Variants in ANKRD13C observed in about 807,000 individuals in gnomAD.
ANKRD13C encodes ankyrin repeat domain 13C, also known as ankyrin repeat domain-containing protein 13C.
In ANKRD13C, 16 loss-of-function variants were observed where a neutral mutation model predicts 65.5. That is an observed-to-expected ratio of 0.24 (90% confidence interval 0.17 to 0.37). ANKRD13C has a LOEUF of 0.37. Ranked by LOEUF, ANKRD13C falls within the 10% of genes least tolerant of loss-of-function variation. The probability of loss-of-function intolerance (pLI) is 1.00; values close to 1 mark genes in which losing one functional copy is unlikely to be tolerated. For missense variants in ANKRD13C, 503 were observed against 655.9 expected (o/e 0.77, Z 2.55); for synonymous variants, 235 against 238.7 (o/e 0.98, Z 0.14).
chr1:70,330,392 T>C (rs1009420402), intron 2 of ANKRD13C, among the ~76,000 whole-genome samples: 9 of 151,752 alleles, frequency 5.9e-5, no homozygotes, highest in Admixed American at 5.9e-4. Context: ...ACCCTGTCTC[T>C]ACTAAAAATA....
intron 2 of ANKRD13C, among the ~76,000 whole-genome samples, chr1:70,334,047 G>A (rs1030171976): frequency 1.2e-4 from 19 of 152,300 alleles, no homozygotes; most frequent in African/African-American, 4.1e-4. Context: ...ATTAAGGTCA[G>A]GCACAGTGAC....
At chr1:70,299,361 T>C (rs1680226632) in intron 7 of ANKRD13C, among the ~76,000 whole-genome samples, 1 of 152,182 alleles carries the variant, frequency 6.6e-6, no homozygotes, top group Non-Finnish European at 1.5e-5. Flanking sequence ...TTTCACTCTT[T>C]AGGTAATGGG....
At chr1:70,322,000 A>C (rs1332676438) in intron 3 of ANKRD13C, among the ~76,000 whole-genome samples, 1 of 152,214 alleles carries the variant, frequency 6.6e-6, no homozygotes, top group Non-Finnish European at 1.5e-5. Context: ...AACTTAAATC[A>C]CAGTGCTTAA....
At chr1:70,272,753 C>T (rs1572026617) in intron 11 of ANKRD13C, among the ~76,000 whole-genome samples, 1 of 151,836 alleles carries the variant, frequency 6.6e-6, no homozygotes, top group East Asian at 1.9e-4. Flanking sequence ...CTTTAAGAGG[C>T]CCAGGTGGAC....
At chr1:70,327,976 A>T (rs1395174538) in intron 2 of ANKRD13C, among the ~76,000 whole-genome samples, 1 of 152,146 alleles carries the variant, frequency 6.6e-6, no homozygotes, top group Non-Finnish European at 1.5e-5. Context: ...GAGGCAGGAG[A>T]GCTGCTTGAA....
intron 2 of ANKRD13C, among the ~76,000 whole-genome samples, chr1:70,328,290 G>A (rs1425009396): frequency 6.6e-6 from 1 of 152,018 alleles, no homozygotes; most frequent in Non-Finnish European, 1.5e-5. Context: ...CAGGCTTAAA[G>A]GAATGTTCAC....
intron 12 of ANKRD13C, among the ~76,000 whole-genome samples, chr1:70,264,032 TCCTTTGTA>T (rs2101089995): frequency 6.6e-6 from 1 of 152,276 alleles, no homozygotes; most frequent in African/African-American, 2.4e-5. Flanking sequence ...AAAAAATTAT[TCCTTTGTA>T]CCTACTATAT....
rs1465042975 is a variant in ANKRD13C at position 70,302,744 on chromosome 1, AAAAAAAAAAAAG to A, written c.777-1848_777-1837del. Among the ~76,000 whole-genome samples, 13 of 109,380 alleles carry A rather than the reference AAAAAAAAAAAAG, an allele frequency of 1.2e-4. 1 individual carries two copies. The highest frequency in any genetic ancestry group is 5.2e-4 in the African/African-American group (13 of 25,030). 71.8% of individuals were successfully genotyped at this position (109,380 alleles called of 152,430 possible). On this transcript the variant is annotated intron_variant, in intron 6 of 12. Transcript: ENST00000370944. ...CCGTCTCAAAAAAAAAAAAAAAAAA[AAAAAAAAAAAAG>A]AAAATAGTATTAAAAGGGACTCTTC...
intron 2 of ANKRD13C, among the ~76,000 whole-genome samples, chr1:70,325,953 C>T (rs939994959): frequency 1.3e-5 from 2 of 151,930 alleles, no homozygotes; most frequent in Non-Finnish European, 2.9e-5. Context: ...AGGCCCACGC[C>T]GGGCACAGTG....
intron 12 of ANKRD13C, among the ~76,000 whole-genome samples, chr1:70,265,824 C>CAAAAAAAAAAAAAAAAAAAA (rs775757290): frequency 8.5e-5 from 3 of 35,422 alleles, no homozygotes; most frequent in African/African-American, 2.4e-4. Flanking sequence ...GACCTTGCCT[C>CAAAAAAAAAAAAAAAAAAAA]AAAAAAAAAA....
At chr1:70,303,780 T>C (rs958640436) in intron 6 of ANKRD13C, among the ~76,000 whole-genome samples, 2 of 152,250 alleles carry the variant, frequency 1.3e-5, no homozygotes, top group African/African-American at 4.8e-5. Context: ...AGCAAGTTTT[T>C]ATTTAATGTT....
intron 6 of ANKRD13C, among the ~76,000 whole-genome samples, chr1:70,302,030 G>A (rs906944158): frequency 5.9e-5 from 9 of 152,164 alleles, no homozygotes; most frequent in African/African-American, 2.2e-4. Flanking sequence ...TACTCTGTAG[G>A]TTTTTCAGTT....
intron 7 of ANKRD13C, among the ~76,000 whole-genome samples, chr1:70,297,697 C>T (rs1325110468): frequency 1.3e-5 from 2 of 149,098 alleles, no homozygotes; most frequent in Non-Finnish European, 3.0e-5. Flanking sequence ...AGGTGGATCA[C>T]GAGGTCAGAA....
At chr1:70,350,174 C>T (rs1472816839) in intron 1 of ANKRD13C, among the ~76,000 whole-genome samples, 1 of 152,176 alleles carries the variant, frequency 6.6e-6, no homozygotes, top group African/African-American at 2.4e-5. Flanking sequence ...CATACTCTTG[C>T]ACTGCATAAC....
Position 70,353,163 on chromosome 1 carries a change from A to C in ANKRD13C, c.430+816T>G, listed in dbSNP as rs116261312. Among the ~76,000 whole-genome samples the C allele has an allele frequency of 3.8e-3, 582 of 152,350 alleles. 3 individuals are homozygous for C. Among genetic ancestry groups the C allele is most frequent in the African/African-American group, 0.013 (533 of 41,580 alleles). Reference sequence around the variant, plus strand: ...AATGTCAGTGTTCACATTAGTCTTCAATAATAAATTTACTGTTGCTTAAAA... The same window carrying C: ...AATGTCAGTGTTCACATTAGTCTTCCATAATAAATTTACTGTTGCTTAAAA... On this transcript the variant is annotated intron_variant, in intron 1 of 12. Transcript: ENST00000370944.
chr1:70,326,423 G>C (rs934546045), intron 2 of ANKRD13C, among the ~76,000 whole-genome samples: 1 of 151,892 alleles, frequency 6.6e-6, no homozygotes, highest in Non-Finnish European at 1.5e-5. Flanking sequence ...AACTAGAAAA[G>C]AAAAATAATG....
intron 7 of ANKRD13C, among the ~76,000 whole-genome samples, chr1:70,297,021 T>C (rs1276827439): frequency 1.3e-5 from 2 of 152,120 alleles, no homozygotes; most frequent in African/African-American, 4.8e-5. Context: ...GAAGACTAAA[T>C]GATCAAGTAC....
chr1:70,268,457 C>T (rs1454496816), intron 12 of ANKRD13C, among the ~76,000 whole-genome samples: 4 of 152,190 alleles, frequency 2.6e-5, no homozygotes, highest in South Asian at 2.1e-4. Context: ...CCACTGTGCC[C>T]GGCGATACAG....
chr1:70,318,684 T>TTG (rs1267837386), intron 3 of ANKRD13C, among the ~76,000 whole-genome samples: 10 of 144,820 alleles, frequency 6.9e-5, no homozygotes, highest in Admixed American at 2.1e-4. Flanking sequence ...TCTTTGTTTT[T>TTG]TTTTTTTTTT....
Sources: gnomAD v4.1 joint callset for allele counts (sites outside exome capture counted in the v4.1 genomes callset) on GRCh38, gnomAD v4.1.1 for gene constraint, MANE v1.5 for transcripts, NCBI Gene and HGNC (gene_info 2026-07-23, HGNC 2026-07-21) for gene names.